The following CLCN5 variants were observed in gnomAD, a reference collection of about 807,000 sequenced individuals.
CLCN5 encodes H(+)/Cl(-) exchange transporter 5.
CLCN5 carries 17 observed loss-of-function variants against 54.0 expected under a neutral mutation model. The observed-to-expected ratio is 0.31, with a 90% CI of 0.22 to 0.47. CLCN5 has a LOEUF of 0.47. Ranked by LOEUF, CLCN5 falls within the 20% of genes least tolerant of loss-of-function variation. CLCN5 has a pLI of 1.00. For synonymous variants in CLCN5, 222 were observed against 233.0 expected (o/e 0.95, Z 0.43); for missense variants, 448 against 646.7 (o/e 0.69, Z 3.33).
At chrX:49,986,797 T>C (rs1213771060) in intron 3 of CLCN5, among the ~76,000 whole-genome samples, 2 of 112,335 alleles carry the variant, frequency 1.8e-5, no homozygotes, top group Admixed American at 9.4e-5. Flanking sequence ...GTTTCTTTAC[T>C]GTGGGACTTC....
In CLCN5 at chrX:49,925,248, G is replaced by T. The variant is rs1459903264; in HGVS notation, c.-51G>T. ...TCAAGTCTCCCTACAAAACTGAGAG[G>T]CTCTGGGAAACTCAGCCTGTGACCC... On this transcript the variant is annotated 5_prime_UTR_variant, in exon 3 of 15. Coordinates refer to ENST00000376091, the MANE Select transcript of CLCN5 (RefSeq NM_001127898.4). 4.2e-6 allele frequency: 5 copies of T among 1,187,894 alleles called. No individual in the cohort carries two copies. The highest frequency in any genetic ancestry group is 5.7e-6 in the Non-Finnish European group (5 of 874,456).
rs190508551 is a variant in CLCN5 at position 50,085,670 on chromosome X, T to C, written c.934-310T>C. 260 of 328,068 alleles carry C rather than the reference T, an allele frequency of 7.9e-4. 1 individual carries two copies. The highest frequency in any genetic ancestry group is 6.6e-3 in the African/African-American group (248 of 37,384). The allele number at this position is 328,068 out of a possible 1,213,427, so 27.0% of individuals were successfully genotyped here. A position where few individuals can be genotyped will look rare whatever the true frequency, so the allele number is the denominator to read the frequency against. On this transcript the variant is annotated intron_variant, in intron 9 of 14. Coordinates refer to ENST00000376091, the MANE Select transcript of CLCN5 (RefSeq NM_001127898.4). Reference sequence around the variant, plus strand: ...CATTTAGATGGTGAACAAATAGGCCTAGAAATTCAAATGCAGTTACTGAAT... The same window carrying C: ...CATTTAGATGGTGAACAAATAGGCCCAGAAATTCAAATGCAGTTACTGAAT...
At chrX:49,944,767 G>T (rs2147278211) in intron 3 of CLCN5, among the ~76,000 whole-genome samples, 1 of 111,826 alleles carries the variant, frequency 8.9e-6, no homozygotes, top group East Asian at 2.8e-4. Flanking sequence ...CTTGATCGTG[G>T]TGGATAAGCT....
chrX:50,069,807 G>C, intron 4 of CLCN5, 72 bp from the exon 5 acceptor site: 1 of 1,112,572 alleles, frequency 9.0e-7, no homozygotes, highest in Non-Finnish European at 1.2e-6. Context: ...CCCGCCTTTT[G>C]GAACCAAAAA....
chrX:50,091,415 AAAAG>A (rs1934095592), intron 14 of CLCN5, among the ~76,000 whole-genome samples: 1 of 112,058 alleles, frequency 8.9e-6, no homozygotes, highest in South Asian at 3.7e-4. Flanking sequence ...TTTTTATTGG[AAAAG>A]AAAGGAGGTT....
chrX:49,970,066 TC>T (rs1436208243), intron 3 of CLCN5, among the ~76,000 whole-genome samples: 1 of 111,695 alleles, frequency 9.0e-6, no homozygotes, highest in Non-Finnish European at 1.9e-5. Context: ...TAAAGACATT[TC>T]AGCTTTCTTT....
At chrX:49,957,924 A>G (rs1407950649) in intron 3 of CLCN5, among the ~76,000 whole-genome samples, 2 of 110,363 alleles carry the variant, frequency 1.8e-5, no homozygotes, top group Non-Finnish European at 3.8e-5. Flanking sequence ...CATTGATACA[A>G]TCCGCAGGGC....
intron 3 of CLCN5, among the ~76,000 whole-genome samples, chrX:49,951,265 A>G (rs979787553): frequency 8.9e-6 from 1 of 112,067 alleles, no homozygotes; most frequent in Admixed American, 9.5e-5. Context: ...TCCTTATATC[A>G]TGTACATGAG....
At chrX:49,982,982 T>C (rs1928820089) in intron 3 of CLCN5, among the ~76,000 whole-genome samples, 1 of 112,122 alleles carries the variant, frequency 8.9e-6, no homozygotes, top group Non-Finnish European at 1.9e-5. Context: ...CCAGCATTAT[T>C]GTGGTATAAC....
chrX:49,952,678 A>G (rs1430580159), intron 3 of CLCN5, among the ~76,000 whole-genome samples: 1 of 111,822 alleles, frequency 8.9e-6, no homozygotes, highest in Non-Finnish European at 1.9e-5. Context: ...ATGTTACAGT[A>G]GCCAAATCCC....
chrX:50,016,504 A>G (rs1930796469), intron 3 of CLCN5, among the ~76,000 whole-genome samples: 1 of 109,910 alleles, frequency 9.1e-6, no homozygotes, highest in Non-Finnish European at 1.9e-5. Context: ...TGATGGGCTA[A>G]TGTTGAGACA....
At chrX:50,082,570 C>T (rs191075476) in intron 9 of CLCN5, among the ~76,000 whole-genome samples, 25 of 111,087 alleles carry the variant, frequency 2.3e-4, no homozygotes, top group African/African-American at 7.2e-4. Flanking sequence ...CCCTCAGTCT[C>T]CCAAAGTGCT....
chrX:50,076,010 A>G (rs782335927), intron 7 of CLCN5, 28 bp downstream of exon 7: 4 of 1,160,108 alleles, frequency 3.4e-6, no homozygotes, highest in Non-Finnish European at 4.7e-6. Context: ...TTTATGAGCC[A>G]TTGACTTTTC....
At chrX:50,003,001 T>TA in intron 3 of CLCN5, 2 of 215,123 alleles carry the variant, frequency 9.3e-6, no homozygotes, top group Non-Finnish European at 1.8e-5. Context: ...GGAAAACAAA[T>TA]ATGTTGTAGA....
At chrX:49,967,422 G>A (rs1320616340) in intron 3 of CLCN5, among the ~76,000 whole-genome samples, 1 of 82,523 alleles carries the variant, frequency 1.2e-5, no homozygotes, top group African/African-American at 7.8e-5. Flanking sequence ...CTTCTTTTGA[G>A]AAGTGTCTGT....
intron 3 of CLCN5, among the ~76,000 whole-genome samples, chrX:49,964,602 A>G (rs1034482156): frequency 1.8e-5 from 2 of 111,461 alleles, no homozygotes; most frequent in South Asian, 3.8e-4. Context: ...AGTGGCCCAT[A>G]AAGTTAATTA....
chrX:50,092,321 A>G lies in CLCN5; in HGVS notation c.*102A>G, dbSNP rs781983507. 1 of 558,675 alleles carries G rather than the reference A, an allele frequency of 1.8e-6. No individual in the cohort carries two copies. Among genetic ancestry groups the G allele is most frequent in the African/African-American group, 2.3e-5 (1 of 44,431 alleles). 46.0% of individuals were successfully genotyped at this position (558,675 alleles called of 1,213,427 possible). The stretch of plus-strand genomic sequence containing the variant: ...CACATTTTCCATATTTGGATGGTGA[A>G]GTCACATTAGTGTGTTGTCTCTTTC... On this transcript the variant is annotated 3_prime_UTR_variant, in exon 15 of 15. Transcript: ENST00000376091.
At chrX:49,928,702 G>T (rs1314500608) in intron 3 of CLCN5, among the ~76,000 whole-genome samples, 1 of 111,631 alleles carries the variant, frequency 9.0e-6, no homozygotes, top group East Asian at 2.8e-4. Context: ...GAGGCGGGCG[G>T]ATCACGAGGT....
intron 3 of CLCN5, among the ~76,000 whole-genome samples, chrX:49,962,235 G>A (rs1557174784): frequency 8.9e-6 from 1 of 112,020 alleles, no homozygotes; most frequent in Non-Finnish European, 1.9e-5. Context: ...AAGGATCCAA[G>A]TGGGACTGAT....
Sources: allele counts gnomAD v4.1 joint callset (sites outside exome capture counted in the v4.1 genomes callset), GRCh38; gene constraint gnomAD v4.1.1; transcripts MANE v1.5; gene names NCBI Gene and HGNC (gene_info 2026-07-23, HGNC 2026-07-21).